Variants in HS6ST3 observed in about 807,000 individuals in gnomAD.
HS6ST3 encodes heparan sulfate 6-O-sulfotransferase 3, also known as heparan-sulfate 6-O-sulfotransferase 3.
In HS6ST3, 12 loss-of-function variants were observed where a neutral mutation model predicts 36.7. The ratio of observed to expected loss-of-function variants is 0.33; its 90% CI spans 0.21 to 0.53. HS6ST3 has a LOEUF of 0.53. Among genes scored for constraint, HS6ST3 ranks in the 20% least tolerant of loss-of-function variants. HS6ST3 has a pLI of 0.95. For missense variants in HS6ST3, 584 were observed against 640.9 expected, an observed-to-expected ratio of 0.91 and a Z score of 0.96; for synonymous variants, 240 against 257.5, an observed-to-expected ratio of 0.93 and a Z score of 0.65.
Position 96,363,611 on chromosome 13 carries a change from C to T in HS6ST3, c.707+272042C>T, listed in dbSNP as rs575379444. 2.6e-3 allele frequency among the ~76,000 whole-genome samples: 391 copies of T among 152,242 alleles called. 2 individuals are homozygous for T. Among genetic ancestry groups the T allele is most frequent in the African/African-American group, 8.8e-3 (365 of 41,540 alleles). ...CCTATAGCCTTATCTTTTTTAAACA[C>T]TTGTGTGGTTACATTTATTCAATAG... On this transcript the variant is annotated intron_variant, in intron 1 of 1. Transcript: ENST00000376705.
At chr13:96,217,847 G>A (rs932928970) in intron 1 of HS6ST3, among the ~76,000 whole-genome samples, 1 of 152,048 alleles carries the variant, frequency 6.6e-6, no homozygotes, top group Non-Finnish European at 1.5e-5. Flanking sequence ...TGTATAGTTA[G>A]ATACATAAAT....
At chr13:96,351,586 A>G (rs1039015163) in intron 1 of HS6ST3, among the ~76,000 whole-genome samples, 2 of 152,196 alleles carry the variant, frequency 1.3e-5, no homozygotes, top group Non-Finnish European at 1.5e-5. Flanking sequence ...TGCTGGGATT[A>G]CAGGTATGAG....
At chr13:96,334,768 C>T (rs963286512) in intron 1 of HS6ST3, among the ~76,000 whole-genome samples, 25 of 152,190 alleles carry the variant, frequency 1.6e-4, no homozygotes, top group Admixed American at 5.9e-4. Context: ...CCGGGTCCCT[C>T]CCACAACACT....
intron 1 of HS6ST3, among the ~76,000 whole-genome samples, chr13:96,720,472 T>A (rs1001314416): frequency 2.6e-5 from 4 of 152,312 alleles, no homozygotes; most frequent in African/African-American, 9.6e-5. Flanking sequence ...TTTATTTTGC[T>A]TTTGAGGCTT....
intron 1 of HS6ST3, among the ~76,000 whole-genome samples, chr13:96,731,000 A>G (rs762769577): frequency 3.3e-5 from 5 of 152,170 alleles, no homozygotes; most frequent in Admixed American, 6.5e-5. Context: ...CCGAAGTGCA[A>G]CATGATGTTT....
In HS6ST3 at chr13:96,257,133, C is replaced by G. The variant is rs1323289357; in HGVS notation, c.707+165564C>G. Among the ~76,000 whole-genome samples the G allele has an allele frequency of 2.6e-5, 4 of 152,088 alleles. No individual in the cohort carries two copies. The South Asian group carries it at 6.2e-4, about 24-fold the overall frequency. ...ATTCTTCCAAAGGCAGGAGTTTCGC[C>G]CCTTCACTGTACTTAATAGTGCCAG... On this transcript the variant is annotated intron_variant, in intron 1 of 1. Transcript: ENST00000376705.
intron 1 of HS6ST3, among the ~76,000 whole-genome samples, chr13:96,153,925 G>A (rs571615490): frequency 1.3e-5 from 2 of 152,272 alleles, no homozygotes; most frequent in Admixed American, 1.3e-4. Flanking sequence ...GAGGGACACA[G>A]GCCCTGAATT....
chr13:96,570,654 T>G lies in HS6ST3; in HGVS notation c.708-261836T>G, dbSNP rs538670925. On this transcript the variant is annotated intron_variant, in intron 1 of 1. Coordinates refer to ENST00000376705, the MANE Select transcript of HS6ST3 (RefSeq NM_153456.4). ...AGAAGCATTTATAGAACACCTACTT[T>G]ATACCCAATGGGGGGCAAGATGTGG... Among the ~76,000 whole-genome samples the G allele has an allele frequency of 2.6e-3, 396 of 152,330 alleles. 1 individual carries two copies. Among genetic ancestry groups the G allele is most frequent in the African/African-American group, 9.1e-3 (377 of 41,582 alleles).
chr13:96,804,505 A>G (rs576848852), intron 1 of HS6ST3, among the ~76,000 whole-genome samples: 19 of 152,272 alleles, frequency 1.2e-4, no homozygotes, highest in African/African-American at 4.1e-4. Context: ...CACAGTTACT[A>G]TTGGGAATAA....
At chr13:96,438,070 A>G (rs1594780309) in intron 1 of HS6ST3, among the ~76,000 whole-genome samples, 1 of 152,204 alleles carries the variant, frequency 6.6e-6, no homozygotes, top group East Asian at 1.9e-4. Flanking sequence ...CTCTTTACAA[A>G]TGTCAGCAAC....
Position 96,212,062 on chromosome 13 carries a change from A to G in HS6ST3, c.707+120493A>G, listed in dbSNP as rs562454640. ...TAACTTAAACACTTACATCAAAAGG[A>G]GCTTTTGTCTGACTGGTCAATTGCT... On this transcript the variant is annotated intron_variant, in intron 1 of 1. Coordinates refer to ENST00000376705, the MANE Select transcript of HS6ST3 (RefSeq NM_153456.4). 1.6e-4 allele frequency among the ~76,000 whole-genome samples: 24 copies of G among 152,348 alleles called. No individual in the cohort carries two copies. The East Asian group carries it at 4.4e-3, about 28-fold the overall frequency.
chr13:96,289,605 A>C (rs1019152882), intron 1 of HS6ST3, among the ~76,000 whole-genome samples: 7 of 152,212 alleles, frequency 4.6e-5, no homozygotes, highest in African/African-American at 1.7e-4. Flanking sequence ...AAAAAATAAA[A>C]TTCAAGAGGA....
At chr13:96,178,370 G>T (rs2054222331) in intron 1 of HS6ST3, among the ~76,000 whole-genome samples, 1 of 152,144 alleles carries the variant, frequency 6.6e-6, no homozygotes, top group Non-Finnish European at 1.5e-5. Flanking sequence ...CATGTTGATT[G>T]GTGGGGACTT....
intron 1 of HS6ST3, among the ~76,000 whole-genome samples, chr13:96,485,970 C>T (rs1208371434): frequency 1.3e-5 from 2 of 151,444 alleles, no homozygotes; most frequent in Non-Finnish European, 2.9e-5. Context: ...CCCGTTAACT[C>T]GTCATTTAAC....
chr13:96,674,977 TG>T (rs548140442), intron 1 of HS6ST3, among the ~76,000 whole-genome samples: 129 of 152,288 alleles, frequency 8.5e-4, no homozygotes, highest in Non-Finnish European at 1.3e-3. Context: ...TCACTTACTA[TG>T]TTTAACATTA....
intron 1 of HS6ST3, among the ~76,000 whole-genome samples, chr13:96,176,822 G>A (rs9562042): frequency 0.91 from 138,793 of 152,266 alleles, 63,388 homozygotes; most frequent in Non-Finnish European, 0.94. Context: ...ACTGTCAACA[G>A]TGTAAACAGA....
At chr13:96,191,675 A>G (rs555854419) in intron 1 of HS6ST3, among the ~76,000 whole-genome samples, 2 of 152,130 alleles carry the variant, frequency 1.3e-5, no homozygotes, top group East Asian at 1.9e-4. Flanking sequence ...TGTTTGTCTT[A>G]TTTACTCTCC....
intron 1 of HS6ST3, among the ~76,000 whole-genome samples, chr13:96,215,053 A>C (rs1463229906): frequency 1.3e-5 from 2 of 152,166 alleles, no homozygotes; most frequent in African/African-American, 4.8e-5. Context: ...GGGGGTCGTC[A>C]AACCACAGGG....
chr13:96,713,636 G>A (rs912898222), intron 1 of HS6ST3, among the ~76,000 whole-genome samples: 1 of 152,058 alleles, frequency 6.6e-6, no homozygotes, highest in Non-Finnish European at 1.5e-5. Context: ...GTGACTATTT[G>A]TAAAAGTAAT....
Sources: gnomAD v4.1 joint callset for allele counts (sites outside exome capture counted in the v4.1 genomes callset) on GRCh38, gnomAD v4.1.1 for gene constraint, MANE v1.5 for transcripts, NCBI Gene and HGNC (gene_info 2026-07-23, HGNC 2026-07-21) for gene names.